The following LINGO1 variants were observed in gnomAD, a reference collection of about 807,000 sequenced individuals.
The protein encoded by LINGO1 is leucine-rich repeat and immunoglobulin-like domain-containing nogo receptor-interacting protein 1.
Under a neutral mutation model 37.3 loss-of-function variants are expected in LINGO1, and 11 were observed. The observed-to-expected ratio is 0.29, with a 90% CI of 0.19 to 0.49. The LOEUF is 0.49. Ranked by LOEUF, LINGO1 falls within the 20% of genes least tolerant of loss-of-function variation. LINGO1 has a pLI of 0.99. For synonymous variants in LINGO1, 387 were observed against 403.0 expected, an observed-to-expected ratio of 0.96 and a Z score of 0.48; for missense variants, 585 against 878.2, an observed-to-expected ratio of 0.67 and a Z score of 4.22.
chr15:77,746,559 A>T (rs2076316766), intron 1 of LINGO1, among the ~76,000 whole-genome samples: 2 of 152,172 alleles, frequency 1.3e-5, no homozygotes, highest in Admixed American at 1.3e-4. Context: ...AATTGCCCCC[A>T]TGCCACAGAA....
At chr15:77,639,696 T>C (rs923940613) in intron 3 of LINGO1, among the ~76,000 whole-genome samples, 1 of 152,072 alleles carries the variant, frequency 6.6e-6, no homozygotes, top group Admixed American at 6.5e-5. Flanking sequence ...ATAAACACGA[T>C]GTGGAGGAAA....
At chr15:77,713,867 C>T (rs1334703513) in intron 2 of LINGO1, among the ~76,000 whole-genome samples, 1 of 152,110 alleles carries the variant, frequency 6.6e-6, no homozygotes, top group Non-Finnish European at 1.5e-5. Context: ...GCCTTCTCAG[C>T]CTCCTGTGAA....
intron 1 of LINGO1, among the ~76,000 whole-genome samples, chr15:77,812,336 A>G (rs1268015770): frequency 6.6e-6 from 1 of 152,224 alleles, no homozygotes; most frequent in African/African-American, 2.4e-5. Context: ...AGCAGAAATG[A>G]TGACAAGTCA....
chr15:77,758,301 T>C (rs1362284267), intron 1 of LINGO1, among the ~76,000 whole-genome samples: 1 of 152,182 alleles, frequency 6.6e-6, no homozygotes, highest in African/African-American at 2.4e-5. Flanking sequence ...AGCACTGGAC[T>C]GGAGGTTGAG....
chr15:77,707,783 C>T (rs1240222937), intron 2 of LINGO1, among the ~76,000 whole-genome samples: 1 of 152,164 alleles, frequency 6.6e-6, no homozygotes, highest in Non-Finnish European at 1.5e-5. Flanking sequence ...CTGGGGAAGG[C>T]TCTGACCATC....
intron 2 of LINGO1, among the ~76,000 whole-genome samples, chr15:77,724,963 G>A (rs764107714): frequency 3.2e-4 from 49 of 152,322 alleles, no homozygotes; most frequent in Admixed American, 1.5e-3. Flanking sequence ...CCCCAGGAGA[G>A]CCTGAGATGA....
chr15:77,816,230 C>T (rs1009836581), intron 1 of LINGO1, among the ~76,000 whole-genome samples: 2 of 152,194 alleles, frequency 1.3e-5, no homozygotes, highest in African/African-American at 4.8e-5. Flanking sequence ...CGGGGAGGGG[C>T]CCAGGCTCAT....
intron 3 of LINGO1, among the ~76,000 whole-genome samples, chr15:77,675,873 CCT>C (rs2075318999): frequency 6.6e-6 from 1 of 152,172 alleles, no homozygotes; most frequent in Non-Finnish European, 1.5e-5. Context: ...CTGCCTCATC[CCT>C]GTTACCCCCA....
intron 1 of LINGO1, among the ~76,000 whole-genome samples, chr15:77,766,356 C>A (rs1478457909): frequency 2.3e-5 from 3 of 133,044 alleles, no homozygotes; most frequent in Non-Finnish European, 1.6e-5. Context: ...AAGAAATGGG[C>A]AATGCAGACA....
rs188503041 is a variant in LINGO1 at position 77,796,978 on chromosome 15, C to T, written c.-457-925G>A. 4.6e-3 allele frequency among the ~76,000 whole-genome samples: 696 copies of T among 152,332 alleles called. 9 individuals carry two copies. The highest frequency in any genetic ancestry group is 0.016 in the African/African-American group (670 of 41,594). ...TGACCTCCCGCAGTGCTGGGATTAT[C>T]GGCGGAGCCATCATGCCCAGCCATC... On this transcript the variant is annotated intron_variant, in intron 1 of 5. Transcript: ENST00000562933.
At chr15:77,633,204 G>A (rs552689178), upstream of LINGO1, among the ~76,000 whole-genome samples, 401 of 152,216 alleles carry the variant, frequency 2.6e-3, 2 homozygotes, top group African/African-American at 9.1e-3. Context: ...CTCTGGGCGA[G>A]TCCCGGGCCA....
Position 77,632,166 on chromosome 15 carries a change from C to G in LINGO1, c.6+144G>C. 2.8e-6 allele frequency: 2 copies of G among 725,966 alleles called. No individual in the cohort carries two copies. Among genetic ancestry groups the G allele is most frequent in the Non-Finnish European group, 3.8e-6 (2 of 526,832 alleles). The allele number at this position is 725,966 out of a possible 1,614,324, so 45.0% of individuals were successfully genotyped here. A position where few individuals can be genotyped will look rare whatever the true frequency, so the allele number is the denominator to read the frequency against. ...TCATTTCTGAGGCTTGAGGGGAAAT[C>G]AGGCCTATGACCCCAAAGGAGGTCT... On this transcript the variant is annotated intron_variant, in intron 1 of 1. Coordinates refer to ENST00000355300, the MANE Select transcript of LINGO1 (RefSeq NM_032808.7). The surrounding 1 kb of genome is among the most constrained non-coding windows in gnomAD (Gnocchi z 6.0).
At chr15:77,678,039 C>T (rs2075356964) in intron 2 of LINGO1, among the ~76,000 whole-genome samples, 1 of 152,210 alleles carries the variant, frequency 6.6e-6, no homozygotes, top group South Asian at 2.1e-4. Context: ...TGACCACCTC[C>T]TTCTCACAGT....
chr15:77,634,115 G>C (rs960255995), upstream of LINGO1, among the ~76,000 whole-genome samples: 14 of 152,182 alleles, frequency 9.2e-5, no homozygotes, highest in African/African-American at 3.4e-4. Flanking sequence ...TTCTGGGGCA[G>C]ACGCTGGAAT....
chr15:77,714,349 T>G (rs2075957779), intron 2 of LINGO1, among the ~76,000 whole-genome samples: 1 of 152,202 alleles, frequency 6.6e-6, no homozygotes, highest in South Asian at 2.1e-4. Flanking sequence ...GGAGAGATCT[T>G]TTTTAAAACT....
chr15:77,737,445 G>C (rs998159607), intron 1 of LINGO1, among the ~76,000 whole-genome samples: 2 of 152,056 alleles, frequency 1.3e-5, no homozygotes, highest in African/African-American at 4.8e-5. Flanking sequence ...AGGAAGGAGA[G>C]GGAGGAAGGG....
In LINGO1 at chr15:77,771,883, G is replaced by A. The variant is rs115219789; in HGVS notation, c.-257+14986C>T. Among the ~76,000 whole-genome samples the A allele has an allele frequency of 9.9e-4, 151 of 152,278 alleles. 2 individuals carry two copies. Among genetic ancestry groups the A allele is most frequent in the African/African-American group, 3.5e-3 (146 of 41,560 alleles). On this transcript the variant is annotated intron_variant, in intron 1 of 3. Transcript: ENST00000561686. ...CCTGACTCTGGTCCTGGCAGGCCCCGAGGTCGCCTGCCCTCAATGGCCCTG... is the reference window on the plus strand; with the variant it reads ...CCTGACTCTGGTCCTGGCAGGCCCCAAGGTCGCCTGCCCTCAATGGCCCTG...
At chr15:77,671,899 A>C (rs2075255759) in intron 3 of LINGO1, among the ~76,000 whole-genome samples, 2 of 152,112 alleles carry the variant, frequency 1.3e-5, no homozygotes, top group African/African-American at 4.8e-5. Flanking sequence ...GGTGTCAGAG[A>C]CAGGTCCTGG....
At chr15:77,652,232 G>C (rs981933996) in intron 3 of LINGO1, 1 of 152,294 alleles carries the variant, frequency 6.6e-6, no homozygotes, top group Non-Finnish European at 1.5e-5. Flanking sequence ...CCTAGGGATC[G>C]AATAAGATGA....
Sources: allele counts gnomAD v4.1 joint callset (sites outside exome capture counted in the v4.1 genomes callset), GRCh38; gene constraint gnomAD v4.1.1; non-coding constraint Gnocchi (gnomAD v3.1); transcripts MANE v1.5; gene names NCBI Gene and HGNC (gene_info 2026-07-23, HGNC 2026-07-21).